Variants in KCNQ1 observed in about 807,000 individuals in gnomAD.
The protein encoded by KCNQ1 is potassium voltage-gated channel subfamily KQT member 1.
Under a neutral mutation model 72.4 loss-of-function variants are expected in KCNQ1, and 49 were observed. That is an observed-to-expected ratio of 0.68 (90% confidence interval 0.54 to 0.86). The LOEUF (loss-of-function observed/expected upper bound fraction) is 0.86. Among genes scored for constraint, KCNQ1 ranks in the 40% least tolerant of loss-of-function variants. The pLI is 0.00. For synonymous variants in KCNQ1, 450 were observed against 412.6 expected (o/e 1.09, Z -1.10); for missense variants, 790 against 945.1 (o/e 0.84, Z 2.15).
intron 15 of KCNQ1, among the ~76,000 whole-genome samples, chr11:2,797,920 C>T (rs924386894): frequency 6.6e-6 from 1 of 152,188 alleles, no homozygotes; most frequent in Non-Finnish European, 1.5e-5. Context: ...CAGGTTGGCC[C>T]AGGCAGCCCA....
rs551406787 is a variant in KCNQ1 at position 2,766,891 on chromosome 11, T to A, written c.1515-1953T>A. Among the ~76,000 whole-genome samples the A allele has an allele frequency of 9.6e-4, 146 of 152,318 alleles. No individual in the cohort carries two copies. Among genetic ancestry groups the A allele is most frequent in the African/African-American group, 3.1e-3 (129 of 41,580 alleles). ...CTAAATTTAGTGGCTTCAAATATTTTCTTTGGGCCGGGCATGGTGGCTCAT... is the reference window on the plus strand; with the variant it reads ...CTAAATTTAGTGGCTTCAAATATTTACTTTGGGCCGGGCATGGTGGCTCAT... On this transcript the variant is annotated intron_variant, in intron 11 of 15. Coordinates refer to ENST00000155840, the MANE Select transcript of KCNQ1 (RefSeq NM_000218.3). This position sits in a 1 kb window ranked among gnomAD's most constrained non-coding sequence, Gnocchi z 4.4.
rs1849884838 is a variant in KCNQ1, at chr11:2,658,129, TG to T, written c.1394-3831del. 2.5e-6 allele frequency: 1 copy of T among 398,456 alleles called. No homozygotes were observed. The highest frequency in any genetic ancestry group is 4.4e-6 in the Non-Finnish European group (1 of 226,046). The allele number at this position is 398,456 out of a possible 1,614,324, so 24.7% of individuals were successfully genotyped here. ...GAGTATCAAAAAAAATCTGCAAATATGTTAAAACTACCACAGCAATTAAAAT... is the reference window on the plus strand; with the variant it reads ...GAGTATCAAAAAAAATCTGCAAATATTTAAAACTACCACAGCAATTAAAAT... On this transcript the variant is annotated intron_variant, in intron 10 of 15. Coordinates refer to ENST00000155840, the MANE Select transcript of KCNQ1 (RefSeq NM_000218.3). The surrounding 1 kb of genome is among the most constrained non-coding windows in gnomAD (Gnocchi z 4.9).
At chr11:2,542,038 C>A (rs572100094) in intron 2 of KCNQ1, among the ~76,000 whole-genome samples, 2 of 152,312 alleles carry the variant, frequency 1.3e-5, no homozygotes, top group South Asian at 4.1e-4. Flanking sequence ...GGCCCTGGAG[C>A]CTGGGATTGC....
Position 2,671,237 on chromosome 11 carries a change from G to T in KCNQ1, c.1514+9156G>T. ...CAGAGGTAGACAGGAGTCCAGGTCT[G>T]ACCTCAAAATCCGATGTCCCCACCA... On this transcript the variant is annotated intron_variant, in intron 11 of 15. Transcript: ENST00000155840. The surrounding 1 kb of genome is among the most constrained non-coding windows in gnomAD (Gnocchi z 4.7). 1 of 398,588 alleles carries T rather than the reference G, an allele frequency of 2.5e-6. No individual in the cohort carries two copies. Among genetic ancestry groups the T allele is most frequent in the South Asian group, 1.3e-4 (1 of 7,842 alleles). The allele number at this position is 398,588 out of a possible 1,614,324, so 24.7% of individuals were successfully genotyped here.
rs545298626 is a variant in KCNQ1, at chr11:2,608,619, A to G, written c.1393+19765A>G. On this transcript the variant is annotated intron_variant, in intron 10 of 15. Coordinates refer to ENST00000155840, the MANE Select transcript of KCNQ1 (RefSeq NM_000218.3). This position sits in a 1 kb window ranked among gnomAD's most constrained non-coding sequence, Gnocchi z 4.6. ...GCCTATGACAGGTGTGCACCACAAC[A>G]CCAGCTGTTATTCAAAAAATATTTT... 71 of 398,458 alleles carry G rather than the reference A, an allele frequency of 1.8e-4. No homozygotes were observed. Among genetic ancestry groups the G allele is most frequent in the African/African-American group, 1.4e-3 (66 of 48,670 alleles). The allele number at this position is 398,458 out of a possible 1,614,324, so 24.7% of individuals were successfully genotyped here.
chr11:2,560,833 G>T (rs1263455899), intron 2 of KCNQ1, among the ~76,000 whole-genome samples: 7 of 152,116 alleles, frequency 4.6e-5, no homozygotes, highest in Admixed American at 4.6e-4. Flanking sequence ...GAGGACAGAC[G>T]TGGAGGAAAG....
intron 10 of KCNQ1, chr11:2,636,622 T>C (rs1313565940): frequency 6.6e-6 from 1 of 152,124 alleles, no homozygotes; most frequent in Non-Finnish European, 1.5e-5. Flanking sequence ...TCAATGTTCA[T>C]CAGGGATATT....
At chr11:2,523,198 A>ATTT (rs60789291) in intron 1 of KCNQ1, among the ~76,000 whole-genome samples, 3,158 of 137,016 alleles carry the variant, frequency 0.023, 93 homozygotes, top group African/African-American at 0.075. Context: ...ATTTAATTTA[A>ATTT]TTTTTTTTTT....
chr11:2,468,700 C>T lies in KCNQ1; in HGVS notation c.386+23216C>T, dbSNP rs528683349. ...AGCCAACGCTGGTTTCGTCTGGCTT[C>T]TTTTATTCAGCGTCATGATTTTGAG... On this transcript the variant is annotated intron_variant, in intron 1 of 15. Transcript: ENST00000155840. This position sits in a 1 kb window ranked among gnomAD's most constrained non-coding sequence, Gnocchi z 5.7. 6.6e-6 allele frequency among the ~76,000 whole-genome samples: 1 copy of T among 152,304 alleles called. No homozygotes were observed. The highest frequency in any genetic ancestry group is 2.4e-5 in the African/African-American group (1 of 41,568).
Position 2,624,655 on chromosome 11 carries a change from C to A in KCNQ1, c.1393+35801C>A, listed in dbSNP as rs925076369. On this transcript the variant is annotated intron_variant, in intron 10 of 15. Transcript: ENST00000155840. This position sits in a 1 kb window ranked among gnomAD's most constrained non-coding sequence, Gnocchi z 4.9. Reference sequence around the variant, plus strand: ...GAATGTATTAGATACGTTCACAATGCTGTGCAATCATCACTATCATCCATC... The same window carrying A: ...GAATGTATTAGATACGTTCACAATGATGTGCAATCATCACTATCATCCATC... 1 of 398,558 alleles carries A rather than the reference C, an allele frequency of 2.5e-6. No individual in the cohort carries two copies. The highest frequency in any genetic ancestry group is 1.3e-4 in the South Asian group (1 of 7,860). 24.7% of individuals were successfully genotyped at this position (398,558 alleles called of 1,614,324 possible). A position where few individuals can be genotyped will look rare whatever the true frequency, so the allele number is the denominator to read the frequency against.
chr11:2,839,101 C>T (rs1206783570), intron 15 of KCNQ1, among the ~76,000 whole-genome samples: 2 of 152,210 alleles, frequency 1.3e-5, no homozygotes, highest in African/African-American at 2.4e-5. Flanking sequence ...CAGGAAGCTC[C>T]TGAGGCCGGG....
At chr11:2,525,306 C>T (rs1167938103) in intron 1 of KCNQ1, among the ~76,000 whole-genome samples, 1 of 152,240 alleles carries the variant, frequency 6.6e-6, no homozygotes, top group Non-Finnish European at 1.5e-5. Context: ...GCTTGTGTCC[C>T]CGTGAGATCC....
At position 2,494,555 on chromosome 11, in the gene KCNQ1, A is replaced by C. The variant is rs1846880602; in HGVS notation, c.387-33373A>C. Among the ~76,000 whole-genome samples the C allele has an allele frequency of 2.0e-5, 3 of 152,188 alleles. No homozygotes were observed. The highest frequency in any genetic ancestry group is 2.0e-4 in the Admixed American group (3 of 15,276). ...TAGTTTATTGAGAGTTTTTGGCATG[A>C]AGGGATGTTGAATTTTGTCAAAGGC... On this transcript the variant is annotated intron_variant, in intron 1 of 15. Coordinates refer to ENST00000155840, the MANE Select transcript of KCNQ1 (RefSeq NM_000218.3). This position sits in a 1 kb window ranked among gnomAD's most constrained non-coding sequence, Gnocchi z 4.6.
intron 15 of KCNQ1, among the ~76,000 whole-genome samples, chr11:2,819,795 C>G (rs1230008710): frequency 2.0e-5 from 3 of 152,198 alleles, no homozygotes; most frequent in Non-Finnish European, 4.4e-5. Flanking sequence ...GCATTTGTGT[C>G]TCCCCAATGG....
chr11:2,548,951 C>T (rs1272761145), intron 2 of KCNQ1, among the ~76,000 whole-genome samples: 1 of 152,230 alleles, frequency 6.6e-6, no homozygotes, highest in Non-Finnish European at 1.5e-5. Context: ...CTGCCCCAGC[C>T]CTCCTGAGCC....
At chr11:2,797,562 GC>G (rs1438941703) in intron 15 of KCNQ1, among the ~76,000 whole-genome samples, 1 of 151,474 alleles carries the variant, frequency 6.6e-6, no homozygotes, top group Non-Finnish European at 1.5e-5. Flanking sequence ...CACCACCCTT[GC>G]TCCGGAGCTC....
intron 10 of KCNQ1, among the ~76,000 whole-genome samples, chr11:2,596,714 G>A (rs956428656): frequency 6.6e-6 from 1 of 151,904 alleles, no homozygotes; most frequent in Admixed American, 6.6e-5. Context: ...GTAGTAGGAG[G>A]GAAAAGGACA....
In KCNQ1 at chr11:2,536,535, G is replaced by A. The variant is rs72847670; in HGVS notation, c.477+8517G>A. On this transcript the variant is annotated intron_variant, in intron 2 of 15. Transcript: ENST00000155840. The surrounding 1 kb of genome is among the most constrained non-coding windows in gnomAD (Gnocchi z 7.4). ...CCCTCCCAGCGAGACACTGAGGGTCGGGAGGGTAACATGTGATTTTGAGGC... is the reference window on the plus strand; with the variant it reads ...CCCTCCCAGCGAGACACTGAGGGTCAGGAGGGTAACATGTGATTTTGAGGC... Among the ~76,000 whole-genome samples the A allele has an allele frequency of 0.063, 9,615 of 152,154 alleles. 402 individuals are homozygous for A. Among genetic ancestry groups the A allele is most frequent in the Non-Finnish European group, 0.089 (6,066 of 67,960 alleles).
chr11:2,649,941 T>A, intron 10 of KCNQ1: 1 of 398,570 alleles, frequency 2.5e-6, no homozygotes, highest in Non-Finnish European at 4.4e-6. Context: ...TATTGTTAGC[T>A]TAATAGTGTC....
Sources: allele counts gnomAD v4.1 joint callset (sites outside exome capture counted in the v4.1 genomes callset), GRCh38; gene constraint gnomAD v4.1.1; non-coding constraint Gnocchi (gnomAD v3.1); transcripts MANE v1.5; gene names NCBI Gene and HGNC (gene_info 2026-07-23, HGNC 2026-07-21).